The following PPP4R2 variants were observed in gnomAD, a reference collection of about 807,000 sequenced individuals.
The protein encoded by PPP4R2 is protein phosphatase 4 regulatory subunit 2, also known as serine/threonine-protein phosphatase 4 regulatory subunit 2.
PPP4R2 carries 13 observed loss-of-function variants against 47.2 expected under a neutral mutation model. The observed-to-expected ratio is 0.28, with a 90% confidence interval of 0.18 to 0.44. The LOEUF is 0.44. PPP4R2 is among the 20% of genes least tolerant of loss of function. The pLI is 1.00. For synonymous variants in PPP4R2, 151 were observed against 163.3 expected (o/e 0.92, Z 0.57); for missense variants, 421 against 491.2 (o/e 0.86, Z 1.35).
chr3:73,053,352 C>T (rs1235277223), intron 3 of PPP4R2, among the ~76,000 whole-genome samples: 1 of 152,026 alleles, frequency 6.6e-6, no homozygotes, highest in Admixed American at 6.6e-5. Flanking sequence ...TTACTATTCC[C>T]CACCTGGTCT....
chr3:73,002,863 C>T (rs558017689), intron 2 of PPP4R2, among the ~76,000 whole-genome samples: 9 of 151,746 alleles, frequency 5.9e-5, no homozygotes, highest in South Asian at 2.1e-4. Flanking sequence ...AGGATGGTCT[C>T]GATCTCCTGA....
Position 72,997,221 on chromosome 3 carries a change from C to T in PPP4R2, c.34+150C>T, listed in dbSNP as rs9872912. 2.7e-3 allele frequency: 1,400 copies of T among 523,036 alleles called. 19 individuals are homozygous for T. Among genetic ancestry groups the T allele is most frequent in the African/African-American group, 0.026 (1,310 of 50,690 alleles). The allele number at this position is 523,036 out of a possible 1,614,324, so 32.4% of individuals were successfully genotyped here. A position where few individuals can be genotyped will look rare whatever the true frequency, so the allele number is the denominator to read the frequency against. On this transcript the variant is annotated intron_variant, in intron 1 of 8. Coordinates refer to ENST00000356692, the MANE Select transcript of PPP4R2 (RefSeq NM_174907.4). ...CCATCCCCCTCCACCTCCCCAGGGG[C>T]GGGGAGCCCTGTGGGCAGCTCTCTC...
Position 73,065,929 on chromosome 3 carries a change from T to A in PPP4R2, c.*207T>A. The A allele has an allele frequency of 2.8e-6, 1 of 351,350 alleles. No homozygotes were observed. The highest frequency in any genetic ancestry group is 5.1e-6 in the Non-Finnish European group (1 of 196,530). 21.8% of individuals were successfully genotyped at this position (351,350 alleles called of 1,614,324 possible). Reference sequence around the variant, plus strand: ...GGGTCCTGCTTACCTTACCGCTGACTTTTCTTTCTTTCTTTTTTTGGTCTG... The same window carrying A: ...GGGTCCTGCTTACCTTACCGCTGACATTTCTTTCTTTCTTTTTTTGGTCTG... On this transcript the variant is annotated 3_prime_UTR_variant, in exon 9 of 9. Coordinates refer to ENST00000356692, the MANE Select transcript of PPP4R2 (RefSeq NM_174907.4).
chr3:73,016,815 T>TTC (rs1701847414), intron 2 of PPP4R2, among the ~76,000 whole-genome samples: 2 of 53,706 alleles, frequency 3.7e-5, no homozygotes, highest in African/African-American at 1.7e-4. Context: ...CATTGTTTCT[T>TTC]TTTTTTTTTT....
chr3:73,026,042 C>T (rs550356655), intron 2 of PPP4R2, among the ~76,000 whole-genome samples: 40 of 152,200 alleles, frequency 2.6e-4, no homozygotes, highest in African/African-American at 9.1e-4. Context: ...CCTTTCTAGT[C>T]TTGTCTAATA....
At chr3:73,030,533 T>C (rs1383889983) in intron 2 of PPP4R2, among the ~76,000 whole-genome samples, 1 of 152,040 alleles carries the variant, frequency 6.6e-6, no homozygotes, top group Non-Finnish European at 1.5e-5. Flanking sequence ...GTACTCAAGA[T>C]CAGCCAGCAT....
rs2107353189 is a variant in PPP4R2 at position 73,066,497 on chromosome 3, C to T, written c.*775C>T. ...CAAACTCAAATTCTTTTGTATACTT[C>T]TGAGGTGCCTGAGAAAAAGACTTCA... is the stretch of plus-strand genomic sequence containing the variant. On this transcript the variant is annotated 3_prime_UTR_variant, in exon 9 of 9. Transcript: ENST00000356692. The T allele has an allele frequency of 6.6e-6, 1 of 152,032 alleles. No individual in the cohort carries two copies. The highest frequency in any genetic ancestry group is 2.4e-5 in the African/African-American group (1 of 41,538). 9.4% of individuals were successfully genotyped at this position (152,032 alleles called of 1,614,324 possible). A position where few individuals can be genotyped will look rare whatever the true frequency, so the allele number is the denominator to read the frequency against.
intron 2 of PPP4R2, among the ~76,000 whole-genome samples, chr3:73,011,971 A>G (rs1701733937): frequency 6.6e-6 from 1 of 152,148 alleles, no homozygotes; most frequent in Admixed American, 6.5e-5. Context: ...TAACATTTGT[A>G]ATTTTTGCAC....
chr3:73,024,867 T>G lies in PPP4R2; in HGVS notation c.117-22319T>G. 1.3e-5 allele frequency among the ~76,000 whole-genome samples: 2 copies of G among 152,120 alleles called. 1 individual carries two copies. Among genetic ancestry groups the G allele is most frequent in the Middle Eastern group, 6.4e-3 (2 of 314 alleles). The stretch of plus-strand genomic sequence containing the variant: ...AAAACTAGAAAAGAAGGGAAAGAAA[T>G]ATTTATTAGAAGGATATTGAAATAA... On this transcript the variant is annotated intron_variant, in intron 2 of 8. Coordinates refer to ENST00000356692, the MANE Select transcript of PPP4R2 (RefSeq NM_174907.4).
intron 5 of PPP4R2, 193 bp downstream of exon 5, chr3:73,061,253 A>G (rs1457951406): frequency 6.7e-6 from 2 of 296,658 alleles, no homozygotes; most frequent in Non-Finnish European, 1.2e-5. Context: ...TTTTTCCATT[A>G]AAGAGATTTG....
Position 73,050,912 on chromosome 3 carries a change from CT to C in PPP4R2, c.287+3564del, listed in dbSNP as rs1242833287. On this transcript the variant is annotated intron_variant, in intron 3 of 8. Coordinates refer to ENST00000356692, the MANE Select transcript of PPP4R2 (RefSeq NM_174907.4). ...TTTGAATATACGTATAGATTGTTGC[CT>C]TTTTTTTATTTTTTTCTGGAGACAG... Among the ~76,000 whole-genome samples, 11 of 151,860 alleles carry C rather than the reference CT, an allele frequency of 7.2e-5. No homozygotes were observed. The South Asian group carries it at 1.5e-3, about 20-fold the overall frequency.
At chr3:73,025,394 A>G (rs886853190) in intron 2 of PPP4R2, among the ~76,000 whole-genome samples, 1 of 152,188 alleles carries the variant, frequency 6.6e-6, no homozygotes, top group East Asian at 1.9e-4. Context: ...TGTTCTTACT[A>G]AGATCTTTGA....
At chr3:73,055,297 T>C (rs951771254) in intron 3 of PPP4R2, among the ~76,000 whole-genome samples, 2 of 152,110 alleles carry the variant, frequency 1.3e-5, no homozygotes, top group African/African-American at 2.4e-5. Context: ...TTATGTCGTA[T>C]TTAGTCGTCA....
Position 73,064,836 on chromosome 3 carries a change from A to T in PPP4R2, c.639-16A>T, listed in dbSNP as rs771275913. The T allele has an allele frequency of 2.5e-5, 39 of 1,560,100 alleles. No individual in the cohort carries two copies. The highest frequency in any genetic ancestry group is 2.4e-4 in the South Asian group (20 of 82,348). On this transcript the variant is annotated splice_polypyrimidine_tract_variant and intron_variant, in intron 7 of 8. Coordinates refer to ENST00000356692, the MANE Select transcript of PPP4R2 (RefSeq NM_174907.4). Reference sequence around the variant, plus strand: ...AAAATAATCTTATTAATGACACTTTAAAAAAACATTTACAGTGACTCTTCG... The same window carrying T: ...AAAATAATCTTATTAATGACACTTTTAAAAAACATTTACAGTGACTCTTCG...
chr3:73,058,258 T>G (rs1321190553), intron 3 of PPP4R2, among the ~76,000 whole-genome samples: 2 of 152,102 alleles, frequency 1.3e-5, no homozygotes, highest in Admixed American at 6.5e-5. Context: ...TATATGAAAT[T>G]GCAATAATGG....
At chr3:73,061,135 T>A in intron 5 of PPP4R2, 75 bp downstream of exon 5, 1 of 646,808 alleles carries the variant, frequency 1.5e-6, no homozygotes, top group East Asian at 3.3e-5. Flanking sequence ...TATATTATTC[T>A]TAAAATAGAC....
intron 2 of PPP4R2, among the ~76,000 whole-genome samples, chr3:73,024,057 TA>T (rs1702011541): frequency 6.6e-6 from 1 of 152,072 alleles, no homozygotes; most frequent in Admixed American, 6.5e-5. Flanking sequence ...ATATTAAAAA[TA>T]AAATAGATTT....
At chr3:73,030,346 G>A (rs1338518314) in intron 2 of PPP4R2, among the ~76,000 whole-genome samples, 1 of 152,174 alleles carries the variant, frequency 6.6e-6, no homozygotes, top group South Asian at 2.1e-4. Flanking sequence ...TAGGTAACTG[G>A]TGGGACCCTG....
intron 2 of PPP4R2, among the ~76,000 whole-genome samples, chr3:73,028,567 A>G (rs911244867): frequency 2.6e-5 from 4 of 151,992 alleles, no homozygotes; most frequent in Admixed American, 2.0e-4. Flanking sequence ...CAGCCTCCCG[A>G]GTAGCTGGGA....
Sources: allele counts gnomAD v4.1 joint callset (sites outside exome capture counted in the v4.1 genomes callset), GRCh38; gene constraint gnomAD v4.1.1; transcripts MANE v1.5; gene names NCBI Gene and HGNC (gene_info 2026-07-23, HGNC 2026-07-21).